Variants in SPMIP4 observed in about 807,000 individuals in gnomAD.
SPMIP4 encodes sperm microtubule inner protein 4.
the SPMIP4 span, chr7:25,158,391 A>AAAAAC: frequency 1.4e-6 from 1 of 733,576 alleles, no homozygotes. Flanking sequence ...AAAAAAAAGA[A>AAAAAC]ACGTTTTCAT....
chr7:25,151,551 A>G, the SPMIP4 span: 1 of 1,248,042 alleles, frequency 8.0e-7, no homozygotes, highest in Non-Finnish European at 1.2e-6. Context: ...TTGACTAAAA[A>G]TATTTGTTAC....
At chr7:25,166,233 C>CTTTTTTTTTTTTTTTT in the SPMIP4 span, among the ~76,000 whole-genome samples, 3 of 131,208 alleles carry the variant, frequency 2.3e-5, 1 homozygote, top group Admixed American at 1.7e-4. Context: ...TTTCCGTCTT[C>CTTTTTTTTTTTTTTTT]TTTTTTTTTT....
At chr7:25,178,277 A>C in the SPMIP4 span, among the ~76,000 whole-genome samples, 2 of 152,194 alleles carry the variant, frequency 1.3e-5, no homozygotes, top group Non-Finnish European at 2.9e-5. Context: ...ATACTTGTGC[A>C]TGTGTCTTTA....
chr7:25,149,319 G>A, the SPMIP4 span, among the ~76,000 whole-genome samples: 1 of 151,970 alleles, frequency 6.6e-6, no homozygotes, highest in African/African-American at 2.4e-5. Context: ...ACAAAAGGCA[G>A]GAAAAATAGG....
the SPMIP4 span, among the ~76,000 whole-genome samples, chr7:25,157,735 T>C: frequency 7.2e-5 from 11 of 152,110 alleles, no homozygotes; most frequent in Non-Finnish European, 1.6e-4. Flanking sequence ...GGTGACTGAA[T>C]GTAATGCGGT....
chr7:25,141,583 A>AG, the SPMIP4 span, among the ~76,000 whole-genome samples: 1 of 151,300 alleles, frequency 6.6e-6, no homozygotes, highest in Non-Finnish European at 1.5e-5. Flanking sequence ...GGAAAAAAAA[A>AG]AAAAAAAAAA....
the SPMIP4 span, among the ~76,000 whole-genome samples, chr7:25,160,018 ATC>A: frequency 2.0e-5 from 3 of 152,264 alleles, no homozygotes; most frequent in Admixed American, 2.0e-4. Context: ...AAAATATAAA[ATC>A]TTTTTTAAAA....
At chr7:25,167,217 G>A in the SPMIP4 span, among the ~76,000 whole-genome samples, 1 of 152,210 alleles carries the variant, frequency 6.6e-6, no homozygotes, top group African/African-American at 2.4e-5. Flanking sequence ...TGAATAAACA[G>A]ATGCACAAAT....
At chr7:25,128,976 C>T in the SPMIP4 span, among the ~76,000 whole-genome samples, 7 of 152,244 alleles carry the variant, frequency 4.6e-5, no homozygotes, top group Non-Finnish European at 1.0e-4. The surrounding 1 kb of genome is among the most constrained non-coding windows in gnomAD (Gnocchi z 4.5). Context: ...CCCTAGTGCA[C>T]AGTTCTACCG....
At chr7:25,165,635 G>A in the SPMIP4 span, among the ~76,000 whole-genome samples, 10 of 152,058 alleles carry the variant, frequency 6.6e-5, no homozygotes, top group Admixed American at 2.6e-4. Context: ...GGCGTGAGCC[G>A]CCGCGCCTGG....
chr7:25,151,228 T>A, the SPMIP4 span, among the ~76,000 whole-genome samples: 1 of 151,582 alleles, frequency 6.6e-6, no homozygotes, highest in Non-Finnish European at 1.5e-5. Flanking sequence ...TTTTAGATTT[T>A]TTTTTTTTTT....
the SPMIP4 span, chr7:25,179,477 TAG>T: frequency 1.8e-6 from 1 of 551,434 alleles, no homozygotes. Context: ...CAGTAATAAA[TAG>T]AGACCTAAAT....
the SPMIP4 span, among the ~76,000 whole-genome samples, chr7:25,134,180 A>C: frequency 6.6e-6 from 1 of 152,070 alleles, no homozygotes; most frequent in Non-Finnish European, 1.5e-5. Flanking sequence ...GAATCGCTTG[A>C]ACCCAGGAGG....
chr7:25,170,455 G>T, the SPMIP4 span, among the ~76,000 whole-genome samples: 12 of 152,328 alleles, frequency 7.9e-5, no homozygotes, highest in Non-Finnish European at 1.5e-4. Context: ...ATAATAGGCA[G>T]ATATTTTCTC....
the SPMIP4 span, chr7:25,161,364 T>C: frequency 5.8e-6 from 3 of 516,286 alleles, no homozygotes; most frequent in Non-Finnish European, 6.8e-6. Flanking sequence ...CACATATATG[T>C]AGAAATTCAA....
the SPMIP4 span, among the ~76,000 whole-genome samples, chr7:25,130,706 T>G: frequency 1.3e-5 from 2 of 152,168 alleles, no homozygotes; most frequent in African/African-American, 4.8e-5. Context: ...AAGGGTGATT[T>G]TTGGTTCCTG....
At chr7:25,136,223 G>T in the SPMIP4 span, 1 of 1,614,084 alleles carries the variant, frequency 6.2e-7, no homozygotes, top group Non-Finnish European at 8.5e-7. This position sits in a 1 kb window ranked among gnomAD's most constrained non-coding sequence, Gnocchi z 5.7. Context: ...TCTTCTTCTG[G>T]CTTACTTAAA....
the SPMIP4 span, among the ~76,000 whole-genome samples, chr7:25,146,807 AAGG>A: frequency 2.0e-5 from 3 of 151,410 alleles, no homozygotes; most frequent in Non-Finnish European, 2.9e-5. Context: ...AGTCCAAAGT[AAGG>A]AGGTTTATGG....
At chr7:25,178,607 C>A in the SPMIP4 span, among the ~76,000 whole-genome samples, 1,735 of 152,226 alleles carry the variant, frequency 0.011, 39 homozygotes, top group African/African-American at 0.039. Context: ...AGGAACGGAC[C>A]ATTCTAAGAT....
Sources: gnomAD v4.1 joint callset for allele counts (sites outside exome capture counted in the v4.1 genomes callset) on GRCh38, gnomAD v4.1.1 for gene constraint, Gnocchi (gnomAD v3.1) non-coding constraint, MANE v1.5 for transcripts, NCBI Gene and HGNC (gene_info 2026-07-23, HGNC 2026-07-21) for gene names.